The following ALG6 variants were observed in gnomAD, a reference collection of about 807,000 sequenced individuals.
ALG6 encodes ALG6 alpha-1,3-glucosyltransferase.
Under a neutral mutation model 66.6 loss-of-function variants are expected in ALG6, and 46 were observed. That is an observed-to-expected ratio of 0.69 (90% CI 0.55 to 0.88). The LOEUF is 0.88. ALG6 is among the 40% of genes least tolerant of loss of function. ALG6 has a pLI of 0.00. For synonymous variants in ALG6, 185 were observed against 203.7 expected (o/e 0.91, Z 0.78); for missense variants, 505 against 586.8 (o/e 0.86, Z 1.44).
At chr1:63,384,676 G>A (rs1246524617) in intron 2 of ALG6, among the ~76,000 whole-genome samples, 2 of 152,138 alleles carry the variant, frequency 1.3e-5, no homozygotes, top group Non-Finnish European at 2.9e-5. Context: ...TCTGATGAGA[G>A]ATAGGGGTTT....
chr1:63,386,153 G>A (rs756137439), intron 2 of ALG6, among the ~76,000 whole-genome samples: 2 of 152,126 alleles, frequency 1.3e-5, no homozygotes, highest in African/African-American at 4.8e-5. Flanking sequence ...TCTTGCATCC[G>A]TGGGATTTAT....
At chr1:63,432,356 A>G (rs1644650527) in intron 14 of ALG6, among the ~76,000 whole-genome samples, 1 of 151,922 alleles carries the variant, frequency 6.6e-6, no homozygotes, top group Non-Finnish European at 1.5e-5. Flanking sequence ...CTACTGGATC[A>G]TGGTGTATAA....
chr1:63,423,544 C>T (rs1416916705), intron 12 of ALG6, among the ~76,000 whole-genome samples: 4 of 152,144 alleles, frequency 2.6e-5, no homozygotes, highest in Admixed American at 2.6e-4. Context: ...AACCACTAAT[C>T]TGCTTTCTGC....
rs185636925 is a variant in ALG6 at position 63,397,960 on chromosome 1, A to G, written c.167+1363A>G. On this transcript the variant is annotated intron_variant, in intron 3 of 14. Coordinates refer to ENST00000263440, the MANE Select transcript of ALG6 (RefSeq NM_013339.4). ...CTAGCATGTAACGAACTCTCAATAA[A>G]TGTTAGCTCTGGTTATAGCATCATA... Among the ~76,000 whole-genome samples the G allele has an allele frequency of 4.6e-5, 7 of 152,362 alleles. No homozygotes were observed. The East Asian group carries it at 1.2e-3, about 25-fold the overall frequency.
intron 7 of ALG6, among the ~76,000 whole-genome samples, chr1:63,409,933 G>A (rs1644508121): frequency 6.6e-6 from 1 of 152,116 alleles, no homozygotes; most frequent in African/African-American, 2.4e-5. Flanking sequence ...TGTTGCCTTG[G>A]GGTAAATGTT....
At chr1:63,429,232 T>C (rs1644633121) in intron 14 of ALG6, 106 bp downstream of exon 14, 2 of 836,648 alleles carry the variant, frequency 2.4e-6, no homozygotes, top group Admixed American at 4.8e-5. Context: ...ATAATTCACA[T>C]AAATCCACTC....
At chr1:63,382,349 G>A (rs936432141) in intron 2 of ALG6, among the ~76,000 whole-genome samples, 2 of 151,530 alleles carry the variant, frequency 1.3e-5, no homozygotes, top group Admixed American at 1.3e-4. Context: ...CTACAAGCAT[G>A]AGCCACCACG....
At chr1:63,393,545 A>G (rs545548613) in intron 2 of ALG6, among the ~76,000 whole-genome samples, 1 of 152,230 alleles carries the variant, frequency 6.6e-6, no homozygotes, top group Non-Finnish European at 1.5e-5. Flanking sequence ...GGAAGGCTTC[A>G]TGGAAGATTT....
rs1232779942 is a variant in ALG6 at position 63,367,634 on chromosome 1, C to A, written c.-261C>A. The A allele has an allele frequency of 6.6e-6, 1 of 152,362 alleles. No homozygotes were observed. Among genetic ancestry groups the A allele is most frequent in the Non-Finnish European group, 1.5e-5 (1 of 68,150 alleles). 9.4% of individuals were successfully genotyped at this position (152,362 alleles called of 1,614,324 possible). On this transcript the variant is annotated 5_prime_UTR_variant, in exon 1 of 15. Transcript: ENST00000263440. ...TCCGCCGCGGGGGCGAGCGCGCATG[C>A]GCCTTCCTGGGACCCACGGCAGGCG...
chr1:63,407,038 ATC>A, intron 6 of ALG6, 22 bp from the exon 7 acceptor site: 3 of 1,573,264 alleles, frequency 1.9e-6, no homozygotes, highest in Non-Finnish European at 2.6e-6. Context: ...TTACTTTCTT[ATC>A]TCACAATATT....
intron 2 of ALG6, among the ~76,000 whole-genome samples, chr1:63,382,651 G>GTTTTTT (rs1557581372): frequency 3.8e-3 from 92 of 24,042 alleles, no homozygotes; most frequent in South Asian, 8.6e-3. Flanking sequence ...GTTTTTTTTT[G>GTTTTTT]TTTGTTTTTT....
chr1:63,385,344 C>T (rs956079170), intron 2 of ALG6, among the ~76,000 whole-genome samples: 6 of 151,494 alleles, frequency 4.0e-5, no homozygotes, highest in South Asian at 2.1e-4. Flanking sequence ...GGATTATAGG[C>T]GCATGCCACC....
intron 1 of ALG6, among the ~76,000 whole-genome samples, chr1:63,368,079 G>C (rs934481307): frequency 3.9e-5 from 6 of 152,192 alleles, no homozygotes; most frequent in South Asian, 2.1e-4. Context: ...GAGCAAAGTC[G>C]GTTCTGGGAT....
At chr1:63,434,603 G>GTT (rs58056568) in intron 14 of ALG6, among the ~76,000 whole-genome samples, 16 of 152,022 alleles carry the variant, frequency 1.1e-4, no homozygotes, top group Admixed American at 7.9e-4. Context: ...AAAACCTGGA[G>GTT]TTTTTTTGCG....
chr1:63,402,134 C>G, intron 3 of ALG6, 120 bp from the exon 4 acceptor site: 1 of 732,542 alleles, frequency 1.4e-6, no homozygotes. Context: ...TTATTAATAG[C>G]TTAATAATTA....
At chr1:63,379,065 T>C (rs4915899) in intron 2 of ALG6, among the ~76,000 whole-genome samples, 23,270 of 152,142 alleles carry the variant, frequency 0.15, 2,041 homozygotes, top group Middle Eastern at 0.31. Flanking sequence ...AAAATTCTCG[T>C]ATCTGCATTC....
chr1:63,437,967 A>T lies in ALG6; in HGVS notation c.*947A>T, dbSNP rs1175950146. 3 of 152,172 alleles carry T rather than the reference A, an allele frequency of 2.0e-5. No homozygotes were observed. The highest frequency in any genetic ancestry group is 1.5e-5 in the Non-Finnish European group (1 of 68,036). The allele number at this position is 152,172 out of a possible 1,614,324, so 9.4% of individuals were successfully genotyped here. On this transcript the variant is annotated 3_prime_UTR_variant, in exon 15 of 15. Coordinates refer to ENST00000263440, the MANE Select transcript of ALG6 (RefSeq NM_013339.4). ...CTGGTAAAAATAATACATGATATCC[A>T]TGTTGCAGTTTCTCATATAAAGATA... is the stretch of plus-strand genomic sequence containing the variant.
chr1:63,425,078 T>C (rs918018104), intron 12 of ALG6, among the ~76,000 whole-genome samples: 1 of 151,994 alleles, frequency 6.6e-6, no homozygotes, highest in Non-Finnish European at 1.5e-5. Flanking sequence ...CTGTGCCCAG[T>C]TGAGTTTTTA....
In ALG6 at chr1:63,400,301, ATATATG is replaced by A. The variant is rs1439559587; in HGVS notation, c.168-1947_168-1942del. Among the ~76,000 whole-genome samples the A allele has an allele frequency of 1.7e-3, 27 of 15,746 alleles. 3 individuals are homozygous for A. Among genetic ancestry groups the A allele is most frequent in the East Asian group, 0.016 (4 of 246 alleles). 10.3% of individuals were successfully genotyped at this position (15,746 alleles called of 152,430 possible). A position where few individuals can be genotyped will look rare whatever the true frequency, so the allele number is the denominator to read the frequency against. ...TATATACGTATATATATATACGTAT[ATATATG>A]TATATATATATACGTATATATATAT... On this transcript the variant is annotated intron_variant, in intron 3 of 14. Transcript: ENST00000263440.
Sources: allele counts gnomAD v4.1 joint callset (sites outside exome capture counted in the v4.1 genomes callset), GRCh38; gene constraint gnomAD v4.1.1; transcripts MANE v1.5; gene names NCBI Gene and HGNC (gene_info 2026-07-23, HGNC 2026-07-21).